Variants in SMAD2 observed in about 807,000 individuals in gnomAD.
SMAD2 encodes the protein MAD homolog 2.
Under a neutral mutation model 64.4 loss-of-function variants are expected in SMAD2, and 8 were observed. The observed-to-expected ratio is 0.12, with a 90% CI of 0.07 to 0.22. The LOEUF (loss-of-function observed/expected upper bound fraction) is 0.22. SMAD2 is among the 10% of genes least tolerant of loss of function. The pLI is 1.00. For synonymous variants in SMAD2, 203 were observed against 195.8 expected (o/e 1.04, Z -0.31); for missense variants, 289 against 561.2 (o/e 0.51, Z 4.90).
At chr18:47,893,935 C>T (rs559808146) in intron 2 of SMAD2, among the ~76,000 whole-genome samples, 1 of 152,276 alleles carries the variant, frequency 6.6e-6, no homozygotes, top group East Asian at 1.9e-4. Context: ...ACAATTATCA[C>T]TTCAACTTCA....
intron 1 of SMAD2, among the ~76,000 whole-genome samples, chr18:47,918,575 T>C (rs1321311704): frequency 6.6e-6 from 1 of 152,144 alleles, no homozygotes; most frequent in Non-Finnish European, 1.5e-5. Context: ...AGGAAAAACG[T>C]CAAACAAAAC....
chr18:47,919,248 C>G lies in SMAD2; in HGVS notation c.-54+11113G>C, dbSNP rs567434309. 1.3e-3 allele frequency among the ~76,000 whole-genome samples: 199 copies of G among 152,126 alleles called. 1 individual carries two copies. Among genetic ancestry groups the G allele is most frequent in the African/African-American group, 4.4e-3 (184 of 41,486 alleles). ...AGACTTATGTTAGCCAGAACAAAGG[C>G]ATTTTCAGACATGCAACATCTCCAA... On this transcript the variant is annotated intron_variant, in intron 1 of 10. Transcript: ENST00000262160.
chr18:47,920,411 T>G (rs1247380962), intron 1 of SMAD2, among the ~76,000 whole-genome samples: 1 of 152,230 alleles, frequency 6.6e-6, no homozygotes, highest in Non-Finnish European at 1.5e-5. Context: ...TAACATTCTG[T>G]TTTTGTACTG....
chr18:47,824,231 A>G lies in SMAD2; in HGVS notation c.*17596T>C, dbSNP rs145802108. The G allele has an allele frequency of 6.6e-6, 1 of 152,348 alleles. No homozygotes were observed. The highest frequency in any genetic ancestry group is 2.4e-5 in the African/African-American group (1 of 41,578). 9.4% of individuals were successfully genotyped at this position (152,348 alleles called of 1,614,324 possible). ...CAGAATCAAGAGTCATGTTTCCAAAAGCCCTGACAAATGGAGCCAGGGAAG... is the reference window on the plus strand; with the variant it reads ...CAGAATCAAGAGTCATGTTTCCAAAGGCCCTGACAAATGGAGCCAGGGAAG... On this transcript the variant is annotated 3_prime_UTR_variant, in exon 11 of 11. Coordinates refer to ENST00000262160, the MANE Select transcript of SMAD2 (RefSeq NM_005901.6).
At position 47,814,935 on chromosome 18, in the gene SMAD2, G is replaced by C. The variant is rs937608705; in HGVS notation, c.*26892C>G. The C allele has an allele frequency of 1.3e-5, 2 of 152,426 alleles. No individual in the cohort carries two copies. Among genetic ancestry groups the C allele is most frequent in the African/African-American group, 4.8e-5 (2 of 41,446 alleles). The allele number at this position is 152,426 out of a possible 1,614,324, so 9.4% of individuals were successfully genotyped here. A position where few individuals can be genotyped will look rare whatever the true frequency, so the allele number is the denominator to read the frequency against. Reference sequence around the variant, plus strand: ...AAAGGCAATGACAGAGTTGTGGTCAGGAGCAGGGCATGACAGCAGTGAACA... The same window carrying C: ...AAAGGCAATGACAGAGTTGTGGTCACGAGCAGGGCATGACAGCAGTGAACA... On this transcript the variant is annotated 3_prime_UTR_variant, in exon 11 of 11. Coordinates refer to ENST00000262160, the MANE Select transcript of SMAD2 (RefSeq NM_005901.6).
At chr18:47,883,819 T>C (rs1202754959) in intron 2 of SMAD2, among the ~76,000 whole-genome samples, 1 of 152,232 alleles carries the variant, frequency 6.6e-6, no homozygotes, top group Admixed American at 6.5e-5. Flanking sequence ...AGTGTGGTTT[T>C]CTTTTTATTT....
At chr18:47,845,058 C>T (rs2144285865) in intron 10 of SMAD2, 1 of 585,528 alleles carries the variant, frequency 1.7e-6, no homozygotes, top group Non-Finnish European at 3.0e-6. Flanking sequence ...ATCTCTCCTT[C>T]CATAAACTGA....
chr18:47,878,594 A>G (rs969145897), intron 2 of SMAD2: 1 of 152,140 alleles, frequency 6.6e-6, no homozygotes, highest in Non-Finnish European at 1.5e-5. Context: ...GCACTACTGC[A>G]CTCCAGCCTG....
Position 47,865,063 on chromosome 18 carries a change from G to C in SMAD2, c.726C>G (p.Asp242Glu), listed in dbSNP as rs759180220. 1 of 1,579,970 alleles carries C rather than the reference G, an allele frequency of 6.3e-7. No homozygotes were observed. Among genetic ancestry groups the C allele is most frequent in the Non-Finnish European group, 8.7e-7 (1 of 1,149,684 alleles). ...TSDQQLNQSM[D>E]TGSPAELSPT... ...TTTCAAAGACATTTTTTTTACCTGT[G>C]TCCATACTTTGATTCAACTGTTGGT... Residue 242 changes from aspartate (D) to glutamate (E), a missense_variant, in exon 6 of 11, where the codon GAC (aspartate) becomes GAG (glutamate). Physicochemically the swap from Asp to Glu is conservative, Grantham distance 45 (BLOSUM62 2). Transcript: ENST00000262160.
Position 47,892,842 on chromosome 18 carries a change from C to A in SMAD2, c.236+3679G>T, listed in dbSNP as rs2033262644. The stretch of plus-strand genomic sequence containing the variant: ...GGTCAGAGTACCACCTTAGGAAAGT[C>A]CTTTTAATTTATGCTTATGAAAATA... On this transcript the variant is annotated intron_variant, in intron 2 of 10. Transcript: ENST00000262160. 2.0e-5 allele frequency among the ~76,000 whole-genome samples: 3 copies of A among 152,044 alleles called. No individual in the cohort carries two copies. The South Asian group carries it at 6.2e-4, about 32-fold the overall frequency.
At chr18:47,867,997 T>C (rs2031691563) in intron 5 of SMAD2, among the ~76,000 whole-genome samples, 1 of 152,192 alleles carries the variant, frequency 6.6e-6, no homozygotes, top group Non-Finnish European at 1.5e-5. Flanking sequence ...CCTACACCAT[T>C]TGTTTTGCTT....
In SMAD2 at chr18:47,870,458, G is replaced by C. The variant is rs2144383760; in HGVS notation, c.326+17C>G. On this transcript the variant is annotated intron_variant, in intron 3 of 10. Coordinates refer to ENST00000262160, the MANE Select transcript of SMAD2 (RefSeq NM_005901.6). ...CCCACAAGATCTCTAAGATTCGACA[G>C]AGGGCAGAATATTCACCTGGTTTGT... 1 of 1,576,432 alleles carries C rather than the reference G, an allele frequency of 6.3e-7. No individual in the cohort carries two copies. Among genetic ancestry groups the C allele is most frequent in the Non-Finnish European group, 8.7e-7 (1 of 1,145,772 alleles).
chr18:47,926,889 A>G (rs1186422330), intron 1 of SMAD2, among the ~76,000 whole-genome samples: 1 of 152,228 alleles, frequency 6.6e-6, no homozygotes, highest in African/African-American at 2.4e-5. Flanking sequence ...TGATCACTGA[A>G]TAAGAGGAAG....
At chr18:47,888,633 A>G (rs2033035067) in intron 2 of SMAD2, among the ~76,000 whole-genome samples, 1 of 152,238 alleles carries the variant, frequency 6.6e-6, no homozygotes, top group Non-Finnish European at 1.5e-5. Flanking sequence ...ATGGCAGTCT[A>G]GCCCCACCCA....
At chr18:47,908,303 A>G (rs2144507642) in intron 1 of SMAD2, among the ~76,000 whole-genome samples, 1 of 152,340 alleles carries the variant, frequency 6.6e-6, no homozygotes, top group African/African-American at 2.4e-5. Context: ...TGAGGCACTG[A>G]CAAAATGGTT....
At position 47,889,770 on chromosome 18, in the gene SMAD2, C is replaced by CAA. The variant is rs762837949; in HGVS notation, c.236+6749_236+6750dup. On this transcript the variant is annotated intron_variant, in intron 2 of 10. Coordinates refer to ENST00000262160, the MANE Select transcript of SMAD2 (RefSeq NM_005901.6). ...TGGGTGACAGAGCGAGACTCCATCTCAAAAAAAAAAAAAAGGACTGGAAAC... is the reference window on the plus strand; with the variant it reads ...TGGGTGACAGAGCGAGACTCCATCTCAAAAAAAAAAAAAAAAGGACTGGAAAC... Among the ~76,000 whole-genome samples the CAA allele has an allele frequency of 3.2e-3, 302 of 95,200 alleles. 1 individual carries two copies. The highest frequency in any genetic ancestry group is 0.011 in the African/African-American group (281 of 25,518). 62.5% of individuals were successfully genotyped at this position (95,200 alleles called of 152,430 possible). A position where few individuals can be genotyped will look rare whatever the true frequency, so the allele number is the denominator to read the frequency against.
In SMAD2 at chr18:47,896,617, C is replaced by T; in HGVS notation, c.140G>A (p.Ser47Asn). The T allele has an allele frequency of 2.5e-6, 4 of 1,614,144 alleles. No homozygotes were observed. Among genetic ancestry groups the T allele is most frequent in the Non-Finnish European group, 3.4e-6 (4 of 1,180,020 alleles). Reference sequence around the variant, plus strand: ...TGTTTTCTTTAGCTTCTTCACCAGACTTTTCACTGCTTTCTCACACCACTT... The same window carrying T: ...TGTTTTCTTTAGCTTCTTCACCAGATTTTTCACTGCTTTCTCACACCACTT... ...EEKWCEKAVK[S>N]LVKKLKKTGR... Residue 47 changes from serine to asparagine, a missense_variant, in exon 2 of 11, where the codon AGT becomes AAT. By Grantham distance (46) the Ser-to-Asn change is conservative (BLOSUM62 1). Coordinates refer to ENST00000262160, the MANE Select transcript of SMAD2 (RefSeq NM_005901.6).
intron 1 of SMAD2, among the ~76,000 whole-genome samples, chr18:47,900,225 T>C (rs2033629192): frequency 6.6e-6 from 1 of 152,022 alleles, no homozygotes; most frequent in Non-Finnish European, 1.5e-5. Context: ...TAAAAAAAAT[T>C]TTCATACTAA....
chr18:47,890,140 C>T (rs2033122742), intron 2 of SMAD2, among the ~76,000 whole-genome samples: 1 of 152,166 alleles, frequency 6.6e-6, no homozygotes, highest in Admixed American at 6.5e-5. Context: ...TAAATGTAGG[C>T]ACCAGATAAG....
Sources: gnomAD v4.1 joint callset for allele counts (sites outside exome capture counted in the v4.1 genomes callset) on GRCh38, gnomAD v4.1.1 for gene constraint, MANE v1.5 for transcripts, NCBI Gene and HGNC (gene_info 2026-07-23, HGNC 2026-07-21) for gene names.